EYA1: variants seen among roughly 807,000 people sequenced by gnomAD.
The protein encoded by EYA1 is protein phosphatase EYA1.
In EYA1, 16 loss-of-function variants were observed where a neutral mutation model predicts 82.0. The observed-to-expected ratio is 0.20, with a 90% CI of 0.13 to 0.30. The LOEUF (loss-of-function observed/expected upper bound fraction) is 0.30, where lower values mean the gene tolerates loss of function less well. Ranked by LOEUF, EYA1 falls within the 10% of genes least tolerant of loss-of-function variation. EYA1 has a pLI of 1.00. For synonymous variants in EYA1, 261 were observed against 264.4 expected (o/e 0.99, Z 0.12); for missense variants, 633 against 730.7 (o/e 0.87, Z 1.54).
upstream of EYA1, among the ~76,000 whole-genome samples, chr8:71,365,696 G>A (rs998199556): frequency 4.6e-5 from 7 of 152,122 alleles, no homozygotes; most frequent in South Asian, 6.2e-4. Context: ...CTTTGGAACC[G>A]TGTCTGGATG....
At chr8:71,431,164 G>A (rs1805593154) in intron 2 of EYA1, among the ~76,000 whole-genome samples, 2 of 152,112 alleles carry the variant, frequency 1.3e-5, no homozygotes, top group Admixed American at 6.5e-5. Context: ...TCAGTCCTCT[G>A]TTAAGTGCAA....
intron 9 of EYA1, among the ~76,000 whole-genome samples, chr8:71,280,734 T>C (rs1817720475): frequency 6.6e-6 from 1 of 152,204 alleles, no homozygotes; most frequent in South Asian, 2.1e-4. Flanking sequence ...GAGAACAATG[T>C]TGGAAAACTT....
intron 2 of EYA1, among the ~76,000 whole-genome samples, chr8:71,511,919 G>A (rs1279422831): frequency 6.6e-6 from 1 of 152,176 alleles, no homozygotes; most frequent in Non-Finnish European, 1.5e-5. Context: ...ACTTGTCCCA[G>A]ACCTGGTTCA....
chr8:71,490,734 G>T (rs1410158199), intron 2 of EYA1, among the ~76,000 whole-genome samples: 1 of 152,120 alleles, frequency 6.6e-6, no homozygotes, highest in African/African-American at 2.4e-5. Flanking sequence ...ACATCTTTAG[G>T]AAATAGTTTT....
At chr8:71,212,901 AC>A (rs1299371147) in intron 16 of EYA1, among the ~76,000 whole-genome samples, 1 of 152,100 alleles carries the variant, frequency 6.6e-6, no homozygotes, top group Non-Finnish European at 1.5e-5. Flanking sequence ...ACATGGAGAA[AC>A]CCCGTCTCTA....
intron 2 of EYA1, among the ~76,000 whole-genome samples, chr8:71,427,177 T>A (rs1042514523): frequency 6.6e-6 from 1 of 152,232 alleles, no homozygotes; most frequent in African/African-American, 2.4e-5. Context: ...CAATTTTTCA[T>A]GTTTTTCCCT....
At chr8:71,408,676 T>C (rs982228758) in intron 2 of EYA1, among the ~76,000 whole-genome samples, 6 of 114,048 alleles carry the variant, frequency 5.3e-5, no homozygotes, top group African/African-American at 2.2e-4. Flanking sequence ...GAGCTAACTA[T>C]CCTAAATATA....
chr8:71,500,540 T>C lies in EYA1; in HGVS notation c.33+35204A>G, dbSNP rs370927619. ...CTATTTTCTCTAGGAGTCTCGTGTA[T>C]GTACATAACAGACAAACAAACAAAC... is the stretch of plus-strand genomic sequence containing the variant. On this transcript the variant is annotated intron_variant, in intron 2 of 18. Coordinates refer to the EYA1 transcript ENST00000643681. 6.6e-5 allele frequency among the ~76,000 whole-genome samples: 10 copies of C among 152,306 alleles called. No individual in the cohort carries two copies. The East Asian group carries it at 9.6e-4, about 15-fold the overall frequency.
At chr8:71,274,551 C>T (rs559025493) in intron 9 of EYA1, among the ~76,000 whole-genome samples, 10 of 152,176 alleles carry the variant, frequency 6.6e-5, no homozygotes, top group South Asian at 4.2e-4. Flanking sequence ...GTGGATGTCA[C>T]GTTCACACCA....
chr8:71,252,749 G>A (rs1280063326), intron 11 of EYA1, among the ~76,000 whole-genome samples: 4 of 152,178 alleles, frequency 2.6e-5, no homozygotes, highest in African/African-American at 9.7e-5. Context: ...TCTGAGCAAT[G>A]CACCAGTTCA....
At chr8:71,452,846 T>C (rs1807508561) in intron 2 of EYA1, among the ~76,000 whole-genome samples, 1 of 152,102 alleles carries the variant, frequency 6.6e-6, no homozygotes, top group Non-Finnish European at 1.5e-5. Context: ...AGCTGAAAAT[T>C]CTAAATTCAG....
intron 1 of EYA1, among the ~76,000 whole-genome samples, chr8:71,539,669 T>C (rs1289099881): frequency 6.6e-6 from 1 of 152,148 alleles, no homozygotes. Context: ...TGACCATGAA[T>C]GAAGGGGATG....
intron 2 of EYA1, among the ~76,000 whole-genome samples, chr8:71,495,914 G>T (rs1457419480): frequency 6.6e-6 from 1 of 152,164 alleles, no homozygotes; most frequent in Non-Finnish European, 1.5e-5. Context: ...AACCCCACGA[G>T]CAGTGTGGAT....
At chr8:71,259,458 A>G (rs1031030139) in intron 11 of EYA1, among the ~76,000 whole-genome samples, 1 of 152,218 alleles carries the variant, frequency 6.6e-6, no homozygotes, top group Admixed American at 6.5e-5. Context: ...GCATAAAAGA[A>G]ACACGTAAGA....
intron 2 of EYA1, among the ~76,000 whole-genome samples, chr8:71,490,394 T>G (rs1810903940): frequency 6.6e-6 from 1 of 152,210 alleles, no homozygotes; most frequent in Non-Finnish European, 1.5e-5. Flanking sequence ...ATTTCAGAAT[T>G]AAACCTTCCT....
At chr8:71,432,436 G>T (rs1239477830) in intron 2 of EYA1, among the ~76,000 whole-genome samples, 1 of 152,150 alleles carries the variant, frequency 6.6e-6, no homozygotes, top group Non-Finnish European at 1.5e-5. Context: ...ATATTAGTTA[G>T]CCAGGACAGC....
upstream of EYA1, among the ~76,000 whole-genome samples, chr8:71,364,939 CATATAT>C (rs34890892): frequency 0.039 from 3,412 of 87,966 alleles, 106 homozygotes; most frequent in African/African-American, 0.043. Flanking sequence ...AAGCAAATGT[CATATAT>C]ATATATATAT....
At chr8:71,242,773 CTT>C (rs35413533) in intron 12 of EYA1, among the ~76,000 whole-genome samples, 85 of 117,576 alleles carry the variant, frequency 7.2e-4, no homozygotes, top group Non-Finnish European at 1.0e-3. Context: ...AGTTTTGGCA[CTT>C]TTTTTTTTTT....
upstream of EYA1, among the ~76,000 whole-genome samples, chr8:71,364,939 CATATATATATATATATATAT>C (rs34890892): frequency 0.021 from 1,811 of 88,184 alleles, 88 homozygotes; most frequent in African/African-American, 0.064. Flanking sequence ...AAGCAAATGT[CATATATATATATATATATAT>C]ATATATATAT....
Sources: gnomAD v4.1 joint callset for allele counts (sites outside exome capture counted in the v4.1 genomes callset) on GRCh38, gnomAD v4.1.1 for gene constraint, MANE v1.5 for transcripts, NCBI Gene and HGNC (gene_info 2026-07-23, HGNC 2026-07-21) for gene names.